The following MAGI2 variants were observed in gnomAD, a reference collection of about 807,000 sequenced individuals.
MAGI2 encodes membrane-associated guanylate kinase, WW and PDZ domain-containing protein 2.
MAGI2 carries 35 observed loss-of-function variants against 133.3 expected under a neutral mutation model. The observed-to-expected ratio is 0.26, with a 90% confidence interval of 0.20 to 0.35. The LOEUF (loss-of-function observed/expected upper bound fraction) is 0.35, where lower values mean the gene tolerates loss of function less well. MAGI2 is among the 10% of genes least tolerant of loss of function. The pLI is 1.00. For synonymous variants in MAGI2, 729 were observed against 710.6 expected (o/e 1.03, Z -0.41); for missense variants, 1,636 against 1,863.4 (o/e 0.88, Z 2.25).
At chr7:78,807,482 A>G (rs532359471) in intron 2 of MAGI2, among the ~76,000 whole-genome samples, 2 of 152,224 alleles carry the variant, frequency 1.3e-5, no homozygotes, top group African/African-American at 4.8e-5. Context: ...GCAATATCAC[A>G]TGTCATATAG....
intron 20 of MAGI2, among the ~76,000 whole-genome samples, chr7:78,100,691 T>C (rs1818134897): frequency 6.6e-6 from 1 of 152,154 alleles, no homozygotes; most frequent in Non-Finnish European, 1.5e-5. Flanking sequence ...GGGTATGATG[T>C]TAGATGTGTG....
chr7:79,376,510 A>T (rs1186855350), intron 1 of MAGI2, among the ~76,000 whole-genome samples: 1 of 151,900 alleles, frequency 6.6e-6, no homozygotes, highest in Non-Finnish European at 1.5e-5. Flanking sequence ...TATCTGCTTC[A>T]GGTAATCCTA....
chr7:78,909,684 TTGG>T (rs1266024693), intron 2 of MAGI2, among the ~76,000 whole-genome samples: 4 of 151,408 alleles, frequency 2.6e-5, no homozygotes, highest in African/African-American at 9.7e-5. Flanking sequence ...TTTTACACTA[TTGG>T]TGGGAATGTA....
At chr7:78,839,644 A>G (rs905735335) in intron 2 of MAGI2, among the ~76,000 whole-genome samples, 3 of 152,002 alleles carry the variant, frequency 2.0e-5, no homozygotes, top group African/African-American at 7.2e-5. Flanking sequence ...ACTTCCAAAT[A>G]CTTCCAAAAC....
intron 6 of MAGI2, among the ~76,000 whole-genome samples, chr7:78,381,478 A>C (rs541874564): frequency 6.6e-6 from 1 of 152,278 alleles, no homozygotes; most frequent in South Asian, 2.1e-4. Flanking sequence ...ACAGAAAAGA[A>C]TATCTTCTAT....
intron 2 of MAGI2, among the ~76,000 whole-genome samples, chr7:78,868,435 G>A (rs1302223428): frequency 1.3e-5 from 2 of 152,192 alleles, no homozygotes; most frequent in African/African-American, 2.4e-5. Context: ...TCTGGCACCA[G>A]AGCCCATGCT....
intron 16 of MAGI2, among the ~76,000 whole-genome samples, chr7:78,147,310 G>A (rs1823398306): frequency 1.3e-5 from 2 of 152,196 alleles, no homozygotes; most frequent in South Asian, 4.2e-4. Context: ...GTCAGTTCCC[G>A]GACTTGAAAA....
intron 2 of MAGI2, among the ~76,000 whole-genome samples, chr7:78,635,465 T>C (rs1161004116): frequency 1.3e-5 from 2 of 152,256 alleles, no homozygotes; most frequent in African/African-American, 4.8e-5. Context: ...TCTATTCTGA[T>C]ATATTAAAAA....
intron 2 of MAGI2, among the ~76,000 whole-genome samples, chr7:78,977,302 T>C (rs1804342545): frequency 6.6e-6 from 1 of 151,264 alleles, no homozygotes. Context: ...CAACTGATTC[T>C]GACAAGGCAA....
At chr7:78,938,107 A>C (rs143032997) in intron 2 of MAGI2, among the ~76,000 whole-genome samples, 1 of 152,142 alleles carries the variant, frequency 6.6e-6, no homozygotes, top group Admixed American at 6.6e-5. Flanking sequence ...TCTACACAAA[A>C]CAACAAAAGT....
At chr7:78,750,278 T>C (rs749464110) in intron 2 of MAGI2, among the ~76,000 whole-genome samples, 3 of 152,202 alleles carry the variant, frequency 2.0e-5, no homozygotes, top group Non-Finnish European at 4.4e-5. Context: ...AACCAGTCTA[T>C]CATTGATGGG....
At chr7:79,136,303 CTAAGT>C (rs1298488433) in intron 1 of MAGI2, among the ~76,000 whole-genome samples, 2 of 152,126 alleles carry the variant, frequency 1.3e-5, no homozygotes, top group African/African-American at 4.8e-5. Context: ...GCCAAGAAAG[CTAAGT>C]TCTAATCTAG....
At chr7:78,089,591 C>T (rs551910557) in intron 20 of MAGI2, among the ~76,000 whole-genome samples, 2 of 152,180 alleles carry the variant, frequency 1.3e-5, no homozygotes, top group Non-Finnish European at 2.9e-5. Context: ...TAACATGTGT[C>T]GCCTCTATAC....
intron 2 of MAGI2, among the ~76,000 whole-genome samples, chr7:78,881,441 G>T (rs533670750): frequency 1.4e-5 from 2 of 145,198 alleles, no homozygotes; most frequent in African/African-American, 2.5e-5. Flanking sequence ...GATGGGGGGA[G>T]GGGGGAGGGA....
intron 1 of MAGI2, among the ~76,000 whole-genome samples, chr7:79,144,019 C>G (rs187815314): frequency 6.2e-4 from 95 of 152,212 alleles, no homozygotes; most frequent in Non-Finnish European, 3.2e-4. Flanking sequence ...ATATAGAACA[C>G]TTCACAGCAT....
intron 2 of MAGI2, among the ~76,000 whole-genome samples, chr7:78,792,132 G>T (rs1412980202): frequency 1.3e-5 from 2 of 152,106 alleles, no homozygotes. Flanking sequence ...GAAGAAACAT[G>T]GGGGAGTTGA....
chr7:79,027,318 A>C (rs1809997123), intron 1 of MAGI2, among the ~76,000 whole-genome samples: 1 of 150,390 alleles, frequency 6.6e-6, no homozygotes, highest in Admixed American at 6.7e-5. Flanking sequence ...GAATGGATAA[A>C]GAAAATATTA....
intron 9 of MAGI2, among the ~76,000 whole-genome samples, chr7:78,321,320 T>C (rs1787981785): frequency 1.3e-5 from 2 of 152,112 alleles, no homozygotes; most frequent in South Asian, 4.1e-4. Context: ...AAGACAATCC[T>C]AGGCAAAAAT....
chr7:78,507,865 T>C (rs1006966464), intron 4 of MAGI2, among the ~76,000 whole-genome samples: 5 of 152,198 alleles, frequency 3.3e-5, no homozygotes, highest in African/African-American at 1.2e-4. Context: ...CCAAATGATA[T>C]GTAATAATTT....
Sources: gnomAD v4.1 joint callset for allele counts (sites outside exome capture counted in the v4.1 genomes callset) on GRCh38, gnomAD v4.1.1 for gene constraint, MANE v1.5 for transcripts, NCBI Gene and HGNC (gene_info 2026-07-23, HGNC 2026-07-21) for gene names.